ABCA1: variants seen among roughly 807,000 people sequenced by gnomAD.
ABCA1 encodes the protein phospholipid-transporting ATPase ABCA1.
A neutral mutation model predicts 262.5 loss-of-function variants in ABCA1; 133 were observed. The observed-to-expected ratio is 0.51, with a 90% confidence interval of 0.44 to 0.59. The LOEUF (loss-of-function observed/expected upper bound fraction) is 0.59, where lower values mean the gene tolerates loss of function less well. Ranked by LOEUF, ABCA1 falls within the 20% of genes least tolerant of loss-of-function variation. ABCA1 has a pLI of 0.00. For missense variants in ABCA1, 2,452 were observed against 2,777.5 expected (o/e 0.88, Z 2.63); for synonymous variants, 1,022 against 1,043.5 (o/e 0.98, Z 0.40).
chr9:104,833,678 A>G (rs1833548227), intron 11 of ABCA1, among the ~76,000 whole-genome samples: 1 of 152,224 alleles, frequency 6.6e-6, no homozygotes. Context: ...GATCCCACAT[A>G]AAACCTAATT....
intron 5 of ABCA1, among the ~76,000 whole-genome samples, chr9:104,876,641 T>C (rs746246186): frequency 2.0e-5 from 3 of 152,128 alleles, no homozygotes; most frequent in Non-Finnish European, 2.9e-5. Flanking sequence ...ACAGTAAAAA[T>C]AAGACAGCAA....
At chr9:104,855,530 T>C (rs1248598010) in intron 7 of ABCA1, 16 of 860,920 alleles carry the variant, frequency 1.9e-5, no homozygotes, top group Non-Finnish European at 2.6e-5. Context: ...GACGCAATTG[T>C]TTTCAAGGAC....
chr9:104,844,824 CAA>C (rs143471798), intron 8 of ABCA1, among the ~76,000 whole-genome samples: 4,548 of 152,262 alleles, frequency 0.03, 238 homozygotes, highest in African/African-American at 0.1. Context: ...TAATTTGAGA[CAA>C]GGCTGGGAGT....
intron 1 of ABCA1, among the ~76,000 whole-genome samples, chr9:104,906,745 A>C (rs2118453662): frequency 7.0e-6 from 1 of 143,120 alleles, no homozygotes; most frequent in South Asian, 2.2e-4. Flanking sequence ...CAAACAAACC[A>C]AAATCAAAAA....
chr9:104,828,842 T>C, intron 15 of ABCA1, 74 bp downstream of exon 15: 2 of 1,478,810 alleles, frequency 1.4e-6, no homozygotes, highest in Non-Finnish European at 1.9e-6. Flanking sequence ...TTTTTTTTCT[T>C]CTTCTCCTCC....
intron 46 of ABCA1, 106 bp downstream of exon 46, chr9:104,787,814 G>T: frequency 1.2e-6 from 2 of 1,610,838 alleles, no homozygotes; most frequent in Non-Finnish European, 1.7e-6. Context: ...TGTCCCTGGG[G>T]GAAGACAAGC....
At chr9:104,785,330 G>A (rs1007437801) in intron 49 of ABCA1, 66 bp downstream of exon 49, 7 of 1,600,474 alleles carry the variant, frequency 4.4e-6, no homozygotes, top group Non-Finnish European at 6.0e-6. Flanking sequence ...TGGACCTATG[G>A]GCGGGAGTGT....
intron 2 of ABCA1, among the ~76,000 whole-genome samples, chr9:104,892,033 T>A (rs1211728208): frequency 6.6e-6 from 1 of 151,176 alleles, no homozygotes; most frequent in Non-Finnish European, 1.5e-5. Flanking sequence ...TTTCTAAATT[T>A]TCCACAATGA....
At chr9:104,920,487 T>C (rs1234665795) in intron 1 of ABCA1, among the ~76,000 whole-genome samples, 39 of 152,080 alleles carry the variant, frequency 2.6e-4, no homozygotes, top group Admixed American at 2.5e-3. Flanking sequence ...ATAAAGACAA[T>C]TTGATGTGGA....
intron 2 of ABCA1, among the ~76,000 whole-genome samples, chr9:104,891,848 C>G (rs772976135): frequency 2.6e-5 from 4 of 151,272 alleles, no homozygotes; most frequent in Non-Finnish European, 4.4e-5. Context: ...GCCTGTACTC[C>G]CAGCTACTTG....
intron 6 of ABCA1, among the ~76,000 whole-genome samples, chr9:104,860,345 C>T (rs1325873024): frequency 1.3e-5 from 2 of 152,222 alleles, no homozygotes; most frequent in Non-Finnish European, 2.9e-5. Context: ...AATGCAACTA[C>T]TTTCAAAAGC....
At chr9:104,809,834 C>A (rs1199203602) in intron 29 of ABCA1, among the ~76,000 whole-genome samples, 3 of 151,928 alleles carry the variant, frequency 2.0e-5, no homozygotes, top group Admixed American at 6.6e-5. Context: ...CATGTACATA[C>A]ACATATACAT....
At chr9:104,916,025 C>A (rs1168508640) in intron 1 of ABCA1, among the ~76,000 whole-genome samples, 1 of 152,062 alleles carries the variant, frequency 6.6e-6, no homozygotes, top group African/African-American at 2.4e-5. Flanking sequence ...AGAAGAAAGC[C>A]ATGCTCTGAT....
Position 104,783,395 on chromosome 9 carries a change from T to C in ABCA1, c.*920A>G, listed in dbSNP as rs1199155243. On this transcript the variant is annotated 3_prime_UTR_variant, in exon 50 of 50. Transcript: ENST00000374736. ...CATCTTGAGATGCAGTGTACCATGT[T>C]AGCAGACAGTCAGGACAAATGGGCA... 1 of 152,246 alleles carries C rather than the reference T, an allele frequency of 6.6e-6. No individual in the cohort carries two copies. The highest frequency in any genetic ancestry group is 1.5e-5 in the Non-Finnish European group (1 of 68,042). The allele number at this position is 152,246 out of a possible 1,614,324, so 9.4% of individuals were successfully genotyped here. A position where few individuals can be genotyped will look rare whatever the true frequency, so the allele number is the denominator to read the frequency against.
chr9:104,857,312 A>G (rs1175514944), intron 7 of ABCA1, among the ~76,000 whole-genome samples: 1 of 152,050 alleles, frequency 6.6e-6, no homozygotes, highest in East Asian at 2.0e-4. Context: ...AGCTCACTGC[A>G]GCCTCCACCT....
At chr9:104,806,497 C>G in intron 30 of ABCA1, 67 bp from the exon 31 acceptor site, 1 of 1,503,318 alleles carries the variant, frequency 6.7e-7, no homozygotes, top group Non-Finnish European at 9.2e-7. Flanking sequence ...GCCTCAGGAG[C>G]ACAGGATCAT....
intron 30 of ABCA1, among the ~76,000 whole-genome samples, chr9:104,808,693 C>T (rs986282604): frequency 1.3e-5 from 2 of 152,170 alleles, no homozygotes; most frequent in Admixed American, 6.5e-5. Flanking sequence ...CCTATCTTCC[C>T]ATTGAAACTT....
intron 44 of ABCA1, 44 bp from the exon 45 acceptor site, chr9:104,788,611 A>C: frequency 6.2e-7 from 1 of 1,609,596 alleles, no homozygotes; most frequent in South Asian, 1.1e-5. Context: ...GCAGGTAGAG[A>C]TACTCTGGTT....
chr9:104,784,924 A>G lies in ABCA1; in HGVS notation c.6646-469T>C, dbSNP rs188316607. Among the ~76,000 whole-genome samples the G allele has an allele frequency of 7.7e-3, 1,166 of 152,270 alleles. 18 individuals carry two copies. The highest frequency in any genetic ancestry group is 0.017 in the Middle Eastern group (5 of 294). ...CTCCCAAAGTGCTGGGATTACAGGC[A>G]TGAGCCACCACGCCCGGCCAAAAAC... On this transcript the variant is annotated intron_variant, in intron 49 of 49. Coordinates refer to ENST00000374736, the MANE Select transcript of ABCA1 (RefSeq NM_005502.4).
Sources: allele counts gnomAD v4.1 joint callset (sites outside exome capture counted in the v4.1 genomes callset), GRCh38; gene constraint gnomAD v4.1.1; transcripts MANE v1.5; gene names NCBI Gene and HGNC (gene_info 2026-07-23, HGNC 2026-07-21).